Variants in SHC2 observed in about 807,000 individuals in gnomAD.
SHC2 encodes SHC adaptor protein 2.
A neutral mutation model predicts 60.6 loss-of-function variants in SHC2; 62 were observed. That is an observed-to-expected ratio of 1.02 (90% CI 0.83 to 1.26). The LOEUF (loss-of-function observed/expected upper bound fraction) is 1.26. SHC2 is among the 50% of genes most tolerant of loss of function. SHC2 has a pLI of 0.00. For synonymous variants in SHC2, 375 were observed against 372.4 expected, an observed-to-expected ratio of 1.01 and a Z score of -0.08; for missense variants, 873 against 822.2, an observed-to-expected ratio of 1.06 and a Z score of -0.76.
intron 9 of SHC2, among the ~76,000 whole-genome samples, chr19:429,611 C>T (rs534328674): frequency 6.9e-6 from 1 of 144,392 alleles, no homozygotes; most frequent in Admixed American, 7.0e-5. Context: ...GCAGAGAAAC[C>T]TAATACCGTG....
intron 7 of SHC2, 65 bp from the exon 8 acceptor site, chr19:434,930 T>G: frequency 6.6e-7 from 1 of 1,511,630 alleles, no homozygotes; most frequent in African/African-American, 1.4e-5. Flanking sequence ...CCTTACGGCT[T>G]GAGCTTCTGG....
At chr19:447,321 G>A (rs1293921316) in intron 1 of SHC2, among the ~76,000 whole-genome samples, 1 of 152,180 alleles carries the variant, frequency 6.6e-6, no homozygotes, top group African/African-American at 2.4e-5. Flanking sequence ...TGGAGGGGAG[G>A]GACGGCTGAG....
At chr19:452,821 C>G (rs922006930) in intron 1 of SHC2, among the ~76,000 whole-genome samples, 4 of 152,214 alleles carry the variant, frequency 2.6e-5, no homozygotes, top group African/African-American at 9.7e-5. Flanking sequence ...TCCAAGCCCC[C>G]CAGAGTCTCT....
At position 438,946 on chromosome 19, in the gene SHC2, C is replaced by A. The variant is rs775840301; in HGVS notation, c.600+24G>T. 5 of 1,589,478 alleles carry A rather than the reference C, an allele frequency of 3.1e-6. No homozygotes were observed. The highest frequency in any genetic ancestry group is 4.3e-6 in the Non-Finnish European group (5 of 1,168,280). On this transcript the variant is annotated intron_variant, in intron 3 of 12. Transcript: ENST00000264554. The surrounding 1 kb of genome is among the most constrained non-coding windows in gnomAD (Gnocchi z 5.0). ...GCCCCCGACTGCCCCACCAGCCCCACGAGAGACCACAAGCCTCACTCACCT... is the reference window on the plus strand; with the variant it reads ...GCCCCCGACTGCCCCACCAGCCCCAAGAGAGACCACAAGCCTCACTCACCT...
At chr19:429,310 C>T (rs967886259) in intron 9 of SHC2, among the ~76,000 whole-genome samples, 5 of 145,990 alleles carry the variant, frequency 3.4e-5, no homozygotes, top group Admixed American at 2.8e-4. Context: ...CCAACATGCA[C>T]GGAAACCTAA....
At position 422,508 on chromosome 19, in the gene SHC2, C is replaced by T; in HGVS notation, c.1310-52G>A. 1 of 1,417,312 alleles carries T rather than the reference C, an allele frequency of 7.1e-7. No individual in the cohort carries two copies. The highest frequency in any genetic ancestry group is 9.4e-7 in the Non-Finnish European group (1 of 1,064,758). The allele number at this position is 1,417,312 out of a possible 1,614,324, so 87.8% of individuals were successfully genotyped here. A position where few individuals can be genotyped will look rare whatever the true frequency, so the allele number is the denominator to read the frequency against. On this transcript the variant is annotated intron_variant, in intron 10 of 12. Transcript: ENST00000264554. This position sits in a 1 kb window ranked among gnomAD's most constrained non-coding sequence, Gnocchi z 5.0. ...GCAGGCAGGGGGCAAGCAGCTACTC[C>T]TGCCGGGACCAGAGCTGGGAGAAAC...
At chr19:427,280 C>G (rs1216949375) in intron 9 of SHC2, among the ~76,000 whole-genome samples, 1 of 152,206 alleles carries the variant, frequency 6.6e-6, no homozygotes, top group Non-Finnish European at 1.5e-5. Context: ...ACAGCCGCCT[C>G]CAGGGTGGAC....
In SHC2 at chr19:427,491, ACACGGCACAGGGAAGGGGAATTGCG is replaced by A. The variant is rs1306166939; in HGVS notation, c.1175-2285_1175-2261del. On this transcript the variant is annotated intron_variant, in intron 9 of 12. Coordinates refer to ENST00000264554, the MANE Select transcript of SHC2 (RefSeq NM_012435.3). ...ACACGGCACAGGGAAGGGGAATTGC[ACACGGCACAGGGAAGGGGAATTGCG>A]CACGGCACAGGGAAGGGGAATTGCG... Among the ~76,000 whole-genome samples the A allele has an allele frequency of 6.6e-4, 71 of 108,276 alleles. 3 individuals are homozygous for A. Among genetic ancestry groups the A allele is most frequent in the African/African-American group, 1.2e-3 (33 of 27,374 alleles). 71.0% of individuals were successfully genotyped at this position (108,276 alleles called of 152,430 possible). A position where few individuals can be genotyped will look rare whatever the true frequency, so the allele number is the denominator to read the frequency against.
intron 1 of SHC2, among the ~76,000 whole-genome samples, chr19:444,229 G>C (rs564171888): frequency 2.6e-4 from 39 of 152,194 alleles, no homozygotes; most frequent in African/African-American, 9.2e-4. Context: ...GCATGTAGTA[G>C]ACAGGTCATA....
At chr19:451,959 G>A (rs112855555) in intron 1 of SHC2, among the ~76,000 whole-genome samples, 2,278 of 152,280 alleles carry the variant, frequency 0.015, 39 homozygotes, top group African/African-American at 0.052. Context: ...CAAATCGTCC[G>A]TGTGACTCCA....
chr19:430,270 C>T (rs760719608), intron 9 of SHC2, among the ~76,000 whole-genome samples: 1 of 150,126 alleles, frequency 6.7e-6, no homozygotes, highest in Non-Finnish European at 1.5e-5. Flanking sequence ...GTGTGGATGA[C>T]GCAGTACCTA....
intron 9 of SHC2, among the ~76,000 whole-genome samples, chr19:427,048 A>G (rs1314370809): frequency 6.6e-6 from 1 of 152,170 alleles, no homozygotes; most frequent in African/African-American, 2.4e-5. Context: ...GTCCGGGGTG[A>G]GCAGCCAGCA....
rs1320332193 is a variant in SHC2, at chr19:418,958, G to A, written c.1719C>T (p.His573=). 12 of 1,588,078 alleles carry A rather than the reference G, an allele frequency of 7.6e-6. No homozygotes were observed. Among genetic ancestry groups the A allele is most frequent in the South Asian group, 1.2e-5 (1 of 86,856 alleles). The change falls in exon 12 of 13, where the codon CAC becomes CAT. Residue 573 remains histidine, a synonymous_variant. Transcript: ENST00000264554. ...GCTCCCGTGAGACCACGCCACGCAG[G>A]TGCAGCTCACTCTCGGCGGCCACGA... The part of the protein sequence containing the change: ...QPIVAAESEL[H]LRGVVSREP
At chr19:442,775 A>G (rs1255253465) in intron 1 of SHC2, among the ~76,000 whole-genome samples, 3 of 71,558 alleles carry the variant, frequency 4.2e-5, no homozygotes, top group Non-Finnish European at 5.5e-5. Context: ...GGGTGGATGG[A>G]TGGATGGATG....
Position 422,199 on chromosome 19 carries a change from C to T in SHC2, c.1567G>A (p.Gly523Ser), listed in dbSNP as rs190693429. The change falls in exon 11 of 13, where the codon GGC becomes AGC. Residue 523 changes from glycine to serine, a missense_variant. Coordinates refer to ENST00000264554, the MANE Select transcript of SHC2 (RefSeq NM_012435.3). This position sits in a 1 kb window ranked among gnomAD's most constrained non-coding sequence, Gnocchi z 5.0. ...TGCTTGGGCTGCCCGGCGTGCATGC[C>T]GGTGAGGACATACTGCCCGGGGTTG... ...VTNPGQYVLT[G>S]MHAGQPKHLL... 2,901 of 1,612,576 alleles carry T rather than the reference C, an allele frequency of 1.8e-3. 10 individuals are homozygous for T. The highest frequency in any genetic ancestry group is 1.1e-3 in the Non-Finnish European group (1,307 of 1,179,646).
chr19:458,050 A>AGTGGGTTCCGGGGAGGCAGAC (rs1205752939), intron 1 of SHC2, among the ~76,000 whole-genome samples: 2 of 132,872 alleles, frequency 1.5e-5, no homozygotes, highest in Non-Finnish European at 3.4e-5. Flanking sequence ...GGGAGGCGGA[A>AGTGGGTTCCGGGGAGGCAGAC]GCGGGTCTTG....
intron 1 of SHC2, among the ~76,000 whole-genome samples, chr19:448,860 A>G (rs1975108233): frequency 6.6e-6 from 1 of 152,170 alleles, no homozygotes. Context: ...AGGTGGTAAA[A>G]GAGACAGGAC....
chr19:430,709 T>A lies in SHC2; in HGVS notation c.1149A>T (p.Pro383=). 2 of 1,613,060 alleles carry A rather than the reference T, an allele frequency of 1.2e-6. No homozygotes were observed. Among genetic ancestry groups the A allele is most frequent in the Non-Finnish European group, 1.7e-6 (2 of 1,179,806 alleles). Reference sequence around the variant, plus strand: ...CTGTACCGGTGGACCCCACGTCCCATGGCAGGCTGCAGGCATCTCTTAGAG... The same window carrying A: ...CTGTACCGGTGGACCCCACGTCCCAAGGCAGGCTGCAGGCATCTCTTAGAG... ...SPSLRDACSL[P]WDVGSTGTAP... The change falls in exon 9 of 13, where the codon CCA becomes CCT. Residue 383 remains proline, a synonymous_variant. Coordinates refer to ENST00000264554, the MANE Select transcript of SHC2 (RefSeq NM_012435.3).
At chr19:442,810 A>G (rs866897676) in intron 1 of SHC2, among the ~76,000 whole-genome samples, 2,492 of 14,258 alleles carry the variant, frequency 0.17, no homozygotes, top group Non-Finnish European at 0.2. Context: ...TGGGTGGATG[A>G]GTGGATGGGT....
Sources: allele counts gnomAD v4.1 joint callset (sites outside exome capture counted in the v4.1 genomes callset), GRCh38; gene constraint gnomAD v4.1.1; non-coding constraint Gnocchi (gnomAD v3.1); transcripts MANE v1.5; gene names NCBI Gene and HGNC (gene_info 2026-07-23, HGNC 2026-07-21).